Variants in MOCS3 observed in about 807,000 individuals in gnomAD.
MOCS3 encodes adenylyltransferase and sulfurtransferase MOCS3.
Under a neutral mutation model 8.4 loss-of-function variants are expected in MOCS3, and 9 were observed. The observed-to-expected ratio is 1.07, with a 90% CI of 0.65 to 1.87. The LOEUF is 1.87. MOCS3 is among the 40% of genes most tolerant of loss of function. MOCS3 has a pLI of 0.00. For missense variants in MOCS3, 581 were observed against 599.7 expected (o/e 0.97, Z 0.33); for synonymous variants, 294 against 272.0 (o/e 1.08, Z -0.80).
chr20:50,960,148 C>A lies in MOCS3; in HGVS notation c.1306C>A (p.Pro436Thr), dbSNP rs148276425. 887 of 1,614,190 alleles carry A rather than the reference C, an allele frequency of 5.5e-4. 1 individual carries two copies. Among genetic ancestry groups the A allele is most frequent in the Non-Finnish European group, 7.3e-4 (864 of 1,180,040 alleles). Reference protein sequence around the residue: ...QSLSAAQELDPLTVRDVVGGL... With the variant: ...QSLSAAQELDTLTVRDVVGGL... ...CTTATCAGCAGCTCAAGAGTTAGAC[C>A]CTTTAACAGTTCGGGATGTTGTGGG... The change falls in exon 1 of 1, where the codon CCT (proline) becomes ACT (threonine). Residue 436 changes from proline (P) to threonine (T), a missense_variant. Pro to Thr is a conservative substitution (Grantham distance 38, BLOSUM62 -1). Coordinates refer to ENST00000244051, the MANE Select transcript of MOCS3 (RefSeq NM_014484.5).
In MOCS3 at chr20:50,959,805, T is replaced by G. The variant is rs1568779642; in HGVS notation, c.963T>G (p.Thr321=). 1.2e-6 allele frequency: 2 copies of G among 1,614,280 alleles called. No homozygotes were observed. The highest frequency in any genetic ancestry group is 1.7e-6 in the Non-Finnish European group (2 of 1,180,044). Reference sequence around the variant, plus strand: ...AAGCCTTCTGTGGCTCCTCAGCCACTGATAAATGCCGCTCCCTGCAACTAC... The same window carrying G: ...AAGCCTTCTGTGGCTCCTCAGCCACGGATAAATGCCGCTCCCTGCAACTAC... ...DYEAFCGSSA[T]DKCRSLQLLS... is the part of the protein sequence containing the mutation. Residue 321 remains threonine, a synonymous_variant, in exon 1 of 1, where the codon ACT becomes ACG. Transcript: ENST00000244051.
In MOCS3 at chr20:50,960,156, A is replaced by G; in HGVS notation, c.1314A>G (p.Thr438=). ...LSAAQELDPL[T]VRDVVGGLMA... Reference sequence around the variant, plus strand: ...CAGCTCAAGAGTTAGACCCTTTAACAGTTCGGGATGTTGTGGGGGGCCTCA... The same window carrying G: ...CAGCTCAAGAGTTAGACCCTTTAACGGTTCGGGATGTTGTGGGGGGCCTCA... The change falls in exon 1 of 1, where the codon ACA becomes ACG. Residue 438 remains threonine, a synonymous_variant. Coordinates refer to ENST00000244051, the MANE Select transcript of MOCS3 (RefSeq NM_014484.5). The G allele has an allele frequency of 1.2e-6, 2 of 1,614,196 alleles. No homozygotes were observed. Among genetic ancestry groups the G allele is most frequent in the Non-Finnish European group, 1.7e-6 (2 of 1,180,014 alleles).
At position 50,959,419 on chromosome 20, in the gene MOCS3, T is replaced by C; in HGVS notation, c.577T>C (p.Cys193Arg). ...VPTRYLVNDA[C>R]VLAGRPLVSA... Reference sequence around the variant, plus strand: ...CACTCGCTACCTGGTTAATGACGCATGTGTGCTGGCGGGTCGGCCCCTCGT... The same window carrying C: ...CACTCGCTACCTGGTTAATGACGCACGTGTGCTGGCGGGTCGGCCCCTCGT... The change falls in exon 1 of 1, where the codon TGT (cysteine) becomes CGT (arginine). Residue 193 changes from cysteine (C) to arginine (R), a missense_variant. Transcript: ENST00000244051. 6.2e-7 allele frequency: 1 copy of C among 1,613,970 alleles called. No homozygotes were observed. Among genetic ancestry groups the C allele is most frequent in the South Asian group, 1.1e-5 (1 of 91,086 alleles).
At position 50,958,820 on chromosome 20, in the gene MOCS3, G is replaced by T. The variant is rs1201535881; in HGVS notation, c.-23G>T. ...AGACGGAAGCGGAAATGCCTTTCAC[G>T]ACAACTTCCGGAAGAGGTCGCCATG... On this transcript the variant is annotated 5_prime_UTR_variant, in exon 1 of 1. Coordinates refer to ENST00000244051, the MANE Select transcript of MOCS3 (RefSeq NM_014484.5). The T allele has an allele frequency of 1.9e-6, 3 of 1,566,954 alleles. No individual in the cohort carries two copies. The highest frequency in any genetic ancestry group is 1.4e-5 in the African/African-American group (1 of 73,242).
In MOCS3 at chr20:50,958,852, C is replaced by T. The variant is rs761713686; in HGVS notation, c.10C>T (p.Arg4Trp). 3.1e-6 allele frequency: 5 copies of T among 1,587,940 alleles called. No individual in the cohort carries two copies. The highest frequency in any genetic ancestry group is 4.5e-5 in the East Asian group (2 of 44,288). The change falls in exon 1 of 1, where the codon CGG becomes TGG. Residue 4 changes from arginine to tryptophan, a missense_variant. Physicochemically the swap from Arg to Trp is moderately radical, Grantham distance 101 (BLOSUM62 -3). Transcript: ENST00000244051. The stretch of plus-strand genomic sequence containing the variant: ...TCCGGAAGAGGTCGCCATGGCTTCC[C>T]GGGAGGAGGTACTCGCCTTACAAGC... MAS[R>W]EEVLALQAEV...
rs1194696258 is a variant in MOCS3, at chr20:50,960,299, C to T, written c.*74C>T. On this transcript the variant is annotated 3_prime_UTR_variant, in exon 1 of 1. Coordinates refer to ENST00000244051, the MANE Select transcript of MOCS3 (RefSeq NM_014484.5). ...CAAAGATACACTTGTTTGCATTTTT[C>T]GGTAATATACATAGGAGCTGGGGAT... The T allele has an allele frequency of 6.9e-6, 10 of 1,447,416 alleles. 1 individual carries two copies. The highest frequency in any genetic ancestry group is 5.6e-5 in the South Asian group (4 of 71,776). 89.7% of individuals were successfully genotyped at this position (1,447,416 alleles called of 1,614,324 possible).
chr20:50,959,997 C>T lies in MOCS3; in HGVS notation c.1155C>T (p.Ser385=), dbSNP rs1312122100. Reference sequence around the variant, plus strand: ...ATTTGGAACGCAGGGATGCGGAGAGCCTGAAACTCTTAAAAGAAGCAATCT... The same window carrying T: ...ATTTGGAACGCAGGGATGCGGAGAGTCTGAAACTCTTAAAAGAAGCAATCT... ...LKHLERRDAE[S]LKLLKEAIWE... Residue 385 remains serine (S), a synonymous_variant, in exon 1 of 1, where the codon AGC becomes AGT. Coordinates refer to ENST00000244051, the MANE Select transcript of MOCS3 (RefSeq NM_014484.5). The T allele has an allele frequency of 6.2e-7, 1 of 1,614,248 alleles. No individual in the cohort carries two copies. The highest frequency in any genetic ancestry group is 8.5e-7 in the Non-Finnish European group (1 of 1,180,052).
At position 50,958,870 on chromosome 20, in the gene MOCS3, T is replaced by C; in HGVS notation, c.28T>C (p.Leu10=). MASREEVLA[L]QAEVAQREEE... Reference sequence around the variant, plus strand: ...GGCTTCCCGGGAGGAGGTACTCGCCTTACAAGCTGAAGTTGCCCAACGTGA... The same window carrying C: ...GGCTTCCCGGGAGGAGGTACTCGCCCTACAAGCTGAAGTTGCCCAACGTGA... Residue 10 remains leucine (L), a synonymous_variant, in exon 1 of 1, where the codon TTA becomes CTA. Transcript: ENST00000244051. 1 of 1,597,810 alleles carries C rather than the reference T, an allele frequency of 6.3e-7. No individual in the cohort carries two copies. Among genetic ancestry groups the C allele is most frequent in the Non-Finnish European group, 8.6e-7 (1 of 1,167,796 alleles).
Position 50,959,772 on chromosome 20 carries a change from G to C in MOCS3, c.930G>C (p.Leu310=). 1 of 1,614,266 alleles carries C rather than the reference G, an allele frequency of 6.2e-7. No individual in the cohort carries two copies. Among genetic ancestry groups the C allele is most frequent in the Non-Finnish European group, 8.5e-7 (1 of 1,180,038 alleles). Residue 310 remains leucine, a synonymous_variant, in exon 1 of 1, where the codon CTG becomes CTC. Transcript: ENST00000244051. ...AACGGCCCACTGTGACTGATCTGCT[G>C]GACTATGAAGCCTTCTGTGGCTCCT... The part of the protein sequence containing the change: ...CGERPTVTDL[L]DYEAFCGSSA...
At position 50,959,704 on chromosome 20, in the gene MOCS3, A is replaced by T. The variant is rs190178618; in HGVS notation, c.862A>T (p.Ile288Phe). ...TGCCCTGAGAGGGCATTTCCGCTCTATTCGGCTGCGGAGCCGCAGGCTCGA... is the reference window on the plus strand; with the variant it reads ...TGCCCTGAGAGGGCATTTCCGCTCTTTTCGGCTGCGGAGCCGCAGGCTCGA... ...FDALRGHFRS[I>F]RLRSRRLDCA... Residue 288 changes from isoleucine (I) to phenylalanine (F), a missense_variant, in exon 1 of 1, where the codon ATT becomes TTT. Ile to Phe is a conservative substitution (Grantham distance 21). Coordinates refer to ENST00000244051, the MANE Select transcript of MOCS3 (RefSeq NM_014484.5). The T allele has an allele frequency of 1.1e-5, 18 of 1,614,210 alleles. No individual in the cohort carries two copies. Among genetic ancestry groups the T allele is most frequent in the Non-Finnish European group, 1.4e-5 (17 of 1,180,044 alleles).
At position 50,963,855 on chromosome 20, in the gene MOCS3, G is replaced by C. The variant is rs1161971256; in HGVS notation, c.*3630G>C. ...ATTGCTTCATATGTGTTCATGCCCT[G>C]TCAGGGCATAGAAAGCAATCTATGT... On this transcript the variant is annotated 3_prime_UTR_variant, in exon 1 of 1. Coordinates refer to ENST00000244051, the MANE Select transcript of MOCS3 (RefSeq NM_014484.5). 1 of 152,240 alleles carries C rather than the reference G, an allele frequency of 6.6e-6. No individual in the cohort carries two copies. The highest frequency in any genetic ancestry group is 2.4e-5 in the African/African-American group (1 of 41,462). The allele number at this position is 152,240 out of a possible 1,614,324, so 9.4% of individuals were successfully genotyped here.
rs1381156768 is a variant in MOCS3, at chr20:50,963,133, C to T, written c.*2908C>T. 1 of 152,000 alleles carries T rather than the reference C, an allele frequency of 6.6e-6. No homozygotes were observed. The highest frequency in any genetic ancestry group is 1.5e-5 in the Non-Finnish European group (1 of 68,034). 9.4% of individuals were successfully genotyped at this position (152,000 alleles called of 1,614,324 possible). On this transcript the variant is annotated 3_prime_UTR_variant, in exon 1 of 1. Coordinates refer to ENST00000244051, the MANE Select transcript of MOCS3 (RefSeq NM_014484.5). ...TAGCAATGGGGTCTGAATATGTGGCCTAGGCTGATCTCAAACTCCTGGGCT... is the reference window on the plus strand; with the variant it reads ...TAGCAATGGGGTCTGAATATGTGGCTTAGGCTGATCTCAAACTCCTGGGCT...
rs933540644 is a variant in MOCS3, at chr20:50,963,864, T to C, written c.*3639T>C. On this transcript the variant is annotated 3_prime_UTR_variant, in exon 1 of 1. Transcript: ENST00000244051. ...TATGTGTTCATGCCCTGTCAGGGCA[T>C]AGAAAGCAATCTATGTCCTGACAAT... The C allele has an allele frequency of 1.3e-5, 2 of 152,238 alleles. No individual in the cohort carries two copies. The highest frequency in any genetic ancestry group is 4.1e-4 in the South Asian group (2 of 4,832). 9.4% of individuals were successfully genotyped at this position (152,238 alleles called of 1,614,324 possible).
rs752965144 is a variant in MOCS3 at position 50,959,391 on chromosome 20, G to T, written c.549G>T (p.Val183=). 81 of 1,613,126 alleles carry T rather than the reference G, an allele frequency of 5.0e-5. No homozygotes were observed. Among genetic ancestry groups the T allele is most frequent in the Admixed American group, 1.5e-4 (9 of 59,996 alleles). The change falls in exon 1 of 1, where the codon GTG becomes GTT. Residue 183 remains valine, a synonymous_variant. Coordinates refer to ENST00000244051, the MANE Select transcript of MOCS3 (RefSeq NM_014484.5). Reference sequence around the variant, plus strand: ...TGGTGGCTGACTGCTCGGACAACGTGCCCACTCGCTACCTGGTTAATGACG... The same window carrying T: ...TGGTGGCTGACTGCTCGGACAACGTTCCCACTCGCTACCTGGTTAATGACG... ...YDVVADCSDN[V]PTRYLVNDAC...
Position 50,959,415 on chromosome 20 carries a change from C to T in MOCS3, c.573C>T (p.Asp191=), listed in dbSNP as rs1277063205. Reference sequence around the variant, plus strand: ...TGCCCACTCGCTACCTGGTTAATGACGCATGTGTGCTGGCGGGTCGGCCCC... The same window carrying T: ...TGCCCACTCGCTACCTGGTTAATGATGCATGTGTGCTGGCGGGTCGGCCCC... ...DNVPTRYLVN[D]ACVLAGRPLV... Residue 191 remains aspartate (D), a synonymous_variant, in exon 1 of 1, where the codon GAC becomes GAT. Coordinates refer to ENST00000244051, the MANE Select transcript of MOCS3 (RefSeq NM_014484.5). 4.3e-6 allele frequency: 7 copies of T among 1,613,956 alleles called. No homozygotes were observed. The highest frequency in any genetic ancestry group is 5.9e-6 in the Non-Finnish European group (7 of 1,180,028).
In MOCS3 at chr20:50,959,151, G is replaced by A. The variant is rs1568778665; in HGVS notation, c.309G>A (p.Ala103=). The part of the protein sequence containing the change: ...LGCPLAQYLA[A]AGVGRLGLVD... Reference sequence around the variant, plus strand: ...GTCCACTAGCGCAGTACTTGGCAGCGGCCGGCGTGGGCCGCCTTGGCCTTG... The same window carrying A: ...GTCCACTAGCGCAGTACTTGGCAGCAGCCGGCGTGGGCCGCCTTGGCCTTG... Residue 103 remains alanine, a synonymous_variant, in exon 1 of 1, where the codon GCG becomes GCA. Coordinates refer to ENST00000244051, the MANE Select transcript of MOCS3 (RefSeq NM_014484.5). 1 of 1,612,944 alleles carries A rather than the reference G, an allele frequency of 6.2e-7. No homozygotes were observed. Among genetic ancestry groups the A allele is most frequent in the Non-Finnish European group, 8.5e-7 (1 of 1,179,926 alleles).
At position 50,961,784 on chromosome 20, in the gene MOCS3, A is replaced by T. The variant is rs1987107817; in HGVS notation, c.*1559A>T. ...AAGTATGGTATACCCTTCTGTTATA[A>T]AGATGAAGCAGGTCTCTTATGACTG... On this transcript the variant is annotated 3_prime_UTR_variant, in exon 1 of 1. Transcript: ENST00000244051. The T allele has an allele frequency of 6.6e-6, 1 of 152,196 alleles. No homozygotes were observed. Among genetic ancestry groups the T allele is most frequent in the South Asian group, 2.1e-4 (1 of 4,834 alleles). The allele number at this position is 152,196 out of a possible 1,614,324, so 9.4% of individuals were successfully genotyped here.
At position 50,958,982 on chromosome 20, in the gene MOCS3, C is replaced by CGCCGCTGCCGCCGAAG. The variant is rs1401521370; in HGVS notation, c.147_162dup (p.Leu55AlafsTer10). The stretch of plus-strand genomic sequence containing the variant: ...CAGCCAGAACGGCTGGTTCCGGTGT[C>CGCCGCTGCCGCCGAAG]GCCGCTGCCGCCGAAGGCCGCTCTG... On this transcript the variant is annotated frameshift_variant, in exon 1 of 1. Transcript: ENST00000244051. LOFTEE classifies it low-confidence loss of function (END_TRUNC). 1 of 1,609,556 alleles carries CGCCGCTGCCGCCGAAG rather than the reference C, an allele frequency of 6.2e-7. No individual in the cohort carries two copies. Among genetic ancestry groups the CGCCGCTGCCGCCGAAG allele is most frequent in the Non-Finnish European group, 8.5e-7 (1 of 1,177,182 alleles).
At position 50,961,335 on chromosome 20, in the gene MOCS3, T is replaced by C. The variant is rs1368979418; in HGVS notation, c.*1110T>C. On this transcript the variant is annotated 3_prime_UTR_variant, in exon 1 of 1. Transcript: ENST00000244051. ...TTTTATGTTTGTTTACTTAACATTT[T>C]CATAAAATAGTAGGTAGTCTCACCA... The C allele has an allele frequency of 6.1e-6, 1 of 164,976 alleles. No individual in the cohort carries two copies. The highest frequency in any genetic ancestry group is 1.5e-5 in the Non-Finnish European group (1 of 68,112). The allele number at this position is 164,976 out of a possible 1,614,324, so 10.2% of individuals were successfully genotyped here. A position where few individuals can be genotyped will look rare whatever the true frequency, so the allele number is the denominator to read the frequency against.
Sources: allele counts gnomAD v4.1 joint callset, GRCh38; gene constraint gnomAD v4.1.1; transcripts MANE v1.5; gene names NCBI Gene and HGNC (gene_info 2026-07-23, HGNC 2026-07-21).